The following LYPD1 variants were observed in gnomAD, a reference collection of about 807,000 sequenced individuals.
The protein encoded by LYPD1 is LY6/PLAUR domain containing 1, also known as ly6/PLAUR domain-containing protein 1.
Under a neutral mutation model 14.2 loss-of-function variants are expected in LYPD1, and 14 were observed. That is an observed-to-expected ratio of 0.99 (90% CI 0.65 to 1.54). The LOEUF (loss-of-function observed/expected upper bound fraction) is 1.54, where lower values mean the gene tolerates loss of function less well. Ranked by LOEUF, LYPD1 falls within the 40% of genes most tolerant of loss-of-function variation. The pLI is 0.00. For missense variants in LYPD1, 165 were observed against 175.7 expected (o/e 0.94, Z 0.34); for synonymous variants, 85 against 70.6 (o/e 1.20, Z -1.02).
intron 2 of LYPD1, among the ~76,000 whole-genome samples, chr2:132,652,105 G>A (rs753041260): frequency 9.9e-5 from 15 of 152,278 alleles, no homozygotes; most frequent in East Asian, 1.9e-4. Flanking sequence ...AAGAACAGAG[G>A]GGGGACATCG....
At chr2:132,659,473 T>G (rs1420903047) in intron 2 of LYPD1, among the ~76,000 whole-genome samples, 1 of 152,162 alleles carries the variant, frequency 6.6e-6, no homozygotes. Flanking sequence ...ATTAGGAAAA[T>G]GCACTCTAAA....
At chr2:132,659,030 C>A (rs1159212139) in intron 2 of LYPD1, among the ~76,000 whole-genome samples, 3 of 152,022 alleles carry the variant, frequency 2.0e-5, no homozygotes, top group Non-Finnish European at 4.4e-5. Flanking sequence ...AGCAAGCTGA[C>A]AAAAAGAACT....
chr2:132,659,330 C>T (rs2709523), intron 2 of LYPD1, among the ~76,000 whole-genome samples: 98,296 of 151,930 alleles, frequency 0.65, 32,705 homozygotes, highest in African/African-American at 0.81. Flanking sequence ...CTGTGTAAGA[C>T]AGAGGGAAGG....
At chr2:132,651,547 A>T (rs1191105196) in intron 2 of LYPD1, among the ~76,000 whole-genome samples, 1 of 152,222 alleles carries the variant, frequency 6.6e-6, no homozygotes, top group East Asian at 1.9e-4. Flanking sequence ...TTCAAAATGC[A>T]ACAAATAAAA....
At chr2:132,654,183 C>G (rs1291330899) in intron 2 of LYPD1, among the ~76,000 whole-genome samples, 1 of 152,200 alleles carries the variant, frequency 6.6e-6, no homozygotes, top group Non-Finnish European at 1.5e-5. Context: ...AGAAACTGCA[C>G]TATTTTTGCA....
chr2:132,657,423 G>A (rs1011886397), intron 2 of LYPD1, among the ~76,000 whole-genome samples: 2 of 152,128 alleles, frequency 1.3e-5, no homozygotes, highest in Admixed American at 1.3e-4. Flanking sequence ...TTCTAACCTT[G>A]ATGTCCTTCT....
chr2:132,644,972 T>C lies in LYPD1; in HGVS notation c.*1073A>G, dbSNP rs566135107. On this transcript the variant is annotated 3_prime_UTR_variant, in exon 3 of 3. Coordinates refer to ENST00000397463, the MANE Select transcript of LYPD1 (RefSeq NM_144586.7). ...AGCTGTCAAGTCCAACACTGAAAAA[T>C]TGGTACCATTTCCTGGCCAGTAAGC... is the stretch of plus-strand genomic sequence containing the variant. The C allele has an allele frequency of 2.1e-5, 22 of 1,047,324 alleles. No individual in the cohort carries two copies. The East Asian group carries it at 4.4e-4, about 21-fold the overall frequency. 64.9% of individuals were successfully genotyped at this position (1,047,324 alleles called of 1,614,324 possible).
chr2:132,654,580 C>A (rs2104907104), intron 2 of LYPD1, among the ~76,000 whole-genome samples: 1 of 152,188 alleles, frequency 6.6e-6, no homozygotes, highest in East Asian at 1.9e-4. Context: ...CTATTAACTG[C>A]TTAACTCTTG....
In LYPD1 at chr2:132,646,254, A is replaced by C. The variant is rs1682069889; in HGVS notation, c.217T>G (p.Ser73Ala). Reference sequence around the variant, plus strand: ...GAGGCGATGAGACAGGCCGCTGATGATGCACAGGACTTGCGGTACATGATC... The same window carrying C: ...GAGGCGATGAGACAGGCCGCTGATGCTGCACAGGACTTGCGGTACATGATC... ...AGIMYRKSCASSAACLIASAG... is the reference protein window; with the variant it reads ...AGIMYRKSCAASAACLIASAG... The change falls in exon 3 of 3, where the codon TCA (serine) becomes GCA (alanine). Residue 73 changes from serine (S) to alanine (A), a missense_variant. By Grantham distance (99) the Ser-to-Ala change is moderately conservative. Transcript: ENST00000397463. 1.3e-6 allele frequency: 2 copies of C among 1,570,772 alleles called. No individual in the cohort carries two copies. Among genetic ancestry groups the C allele is most frequent in the Non-Finnish European group, 1.7e-6 (2 of 1,155,506 alleles).
intron 2 of LYPD1, among the ~76,000 whole-genome samples, chr2:132,661,930 G>C (rs1338079856): frequency 8.0e-6 from 1 of 125,610 alleles, no homozygotes; most frequent in African/African-American, 3.5e-5. Flanking sequence ...ATAGAAAATG[G>C]CACCACAGCG....
chr2:132,663,965 C>G (rs1683116025), intron 2 of LYPD1, among the ~76,000 whole-genome samples: 1 of 152,132 alleles, frequency 6.6e-6, no homozygotes, highest in Admixed American at 6.5e-5. Context: ...ATTTTTCTTA[C>G]AAGCATTGCA....
chr2:132,664,480 A>G (rs1683157846), intron 2 of LYPD1, among the ~76,000 whole-genome samples: 1 of 152,376 alleles, frequency 6.6e-6, no homozygotes, highest in Admixed American at 6.5e-5. Flanking sequence ...GCCATAATGT[A>G]GATGCAACAT....
intron 2 of LYPD1, among the ~76,000 whole-genome samples, chr2:132,661,411 C>T (rs1682931011): frequency 6.6e-6 from 1 of 151,904 alleles, no homozygotes; most frequent in Non-Finnish European, 1.5e-5. Context: ...GGCTAATTGG[C>T]CAGTGGAGTT....
chr2:132,646,292 AC>A lies in LYPD1; in HGVS notation c.191-13del. ...GCGGTACATGATCCCTGTAACACAG[AC>A]CCAAAGGAGCTGAGTTAACGTGCAC... On this transcript the variant is annotated splice_polypyrimidine_tract_variant and intron_variant, in intron 2 of 2. Transcript: ENST00000397463. 6.9e-7 allele frequency: 1 copy of A among 1,443,106 alleles called. No individual in the cohort carries two copies. The highest frequency in any genetic ancestry group is 2.6e-5 in the East Asian group (1 of 39,208). 89.4% of individuals were successfully genotyped at this position (1,443,106 alleles called of 1,614,324 possible).
At chr2:132,646,317 A>G (rs757685643) in intron 2 of LYPD1, 37 bp from the exon 3 acceptor site, 3 of 1,369,562 alleles carry the variant, frequency 2.2e-6, no homozygotes, top group Non-Finnish European at 2.9e-6. Context: ...GTTAACGTGC[A>G]CCGGCAAAAG....
At chr2:132,661,225 A>G (rs1216600306) in intron 2 of LYPD1, among the ~76,000 whole-genome samples, 1 of 152,208 alleles carries the variant, frequency 6.6e-6, no homozygotes, top group Non-Finnish European at 1.5e-5. Context: ...CCTGTGTTTA[A>G]AAGAAACTAA....
At chr2:132,663,567 T>A (rs776992076) in intron 2 of LYPD1, among the ~76,000 whole-genome samples, 24 of 152,362 alleles carry the variant, frequency 1.6e-4, no homozygotes, top group Non-Finnish European at 1.0e-4. Flanking sequence ...TGAGCCGCCG[T>A]GCCCAGCTTC....
chr2:132,659,196 C>G (rs576135165), intron 2 of LYPD1, among the ~76,000 whole-genome samples: 3 of 152,170 alleles, frequency 2.0e-5, no homozygotes, highest in Non-Finnish European at 4.4e-5. Context: ...CATTTAAGCT[C>G]CTTCATTTCT....
intron 2 of LYPD1, among the ~76,000 whole-genome samples, chr2:132,651,333 CAGG>C (rs1198932937): frequency 6.6e-6 from 1 of 152,136 alleles, no homozygotes; most frequent in Non-Finnish European, 1.5e-5. Flanking sequence ...AAAGAGCCAC[CAGG>C]AGCTGCCCCG....
Sources: gnomAD v4.1 joint callset for allele counts (sites outside exome capture counted in the v4.1 genomes callset) on GRCh38, gnomAD v4.1.1 for gene constraint, MANE v1.5 for transcripts, NCBI Gene and HGNC (gene_info 2026-07-23, HGNC 2026-07-21) for gene names.